Variants in HSD17B7 observed in about 807,000 individuals in gnomAD.
HSD17B7 encodes 3-keto-steroid reductase/17-beta-hydroxysteroid dehydrogenase 7.
A neutral mutation model predicts 34.1 loss-of-function variants in HSD17B7; 17 were observed. The observed-to-expected ratio is 0.50, with a 90% CI of 0.34 to 0.75. The LOEUF (loss-of-function observed/expected upper bound fraction) is 0.75. Ranked by LOEUF, HSD17B7 falls within the 30% of genes least tolerant of loss-of-function variation. The probability of loss-of-function intolerance (pLI) is 0.01; values close to 1 mark genes in which losing one functional copy is unlikely to be tolerated. For synonymous variants in HSD17B7, 122 were observed against 154.6 expected (o/e 0.79, Z 1.56); for missense variants, 296 against 406.6 (o/e 0.73, Z 2.34).
chr1:162,794,465 A>G (rs1243111756), intron 2 of HSD17B7, among the ~76,000 whole-genome samples: 2 of 152,166 alleles, frequency 1.3e-5, no homozygotes, highest in Non-Finnish European at 2.9e-5. Context: ...ACCGCATCTT[A>G]AAGAAAAAAA....
intron 4 of HSD17B7, chr1:162,799,437 T>G: frequency 4.5e-6 from 1 of 220,008 alleles, no homozygotes; most frequent in Non-Finnish European, 9.1e-6. Context: ...TCTAAAGCCA[T>G]ATGTTTTCTT....
chr1:162,808,543 A>G (rs1649066394), intron 8 of HSD17B7, among the ~76,000 whole-genome samples: 1 of 152,202 alleles, frequency 6.6e-6, no homozygotes, highest in African/African-American at 2.4e-5. Context: ...CATTGAATCT[A>G]TAAATTACCT....
intron 4 of HSD17B7, chr1:162,798,406 TC>T (rs1648691813): frequency 6.6e-6 from 1 of 152,590 alleles, no homozygotes; most frequent in Non-Finnish European, 1.5e-5. Context: ...TCTCAGACTT[TC>T]CTTGTTTTTG....
In HSD17B7 at chr1:162,799,809, C is replaced by T. The variant is rs372923913; in HGVS notation, c.514C>T (p.Arg172Cys). The T allele has an allele frequency of 1.7e-5, 27 of 1,613,822 alleles. No homozygotes were observed. Among genetic ancestry groups the T allele is most frequent in the African/African-American group, 1.3e-4 (10 of 74,882 alleles). Residue 172 changes from arginine to cysteine, a missense_variant, in exon 5 of 9, where the codon CGC becomes TGC. Coordinates refer to ENST00000254521, the MANE Select transcript of HSD17B7 (RefSeq NM_016371.4). ...NPSQLIWTSSRSARKSNFSLE... is the reference protein window; with the variant it reads ...NPSQLIWTSSCSARKSNFSLE... ...ATCTCAGCTCATCTGGACATCATCTCGCAGTGCAAGGAAATCTAATTTCAG... is the reference window on the plus strand; with the variant it reads ...ATCTCAGCTCATCTGGACATCATCTTGCAGTGCAAGGAAATCTAATTTCAG...
At chr1:162,794,094 T>A (rs1222595119) in intron 2 of HSD17B7, among the ~76,000 whole-genome samples, 1 of 152,192 alleles carries the variant, frequency 6.6e-6, no homozygotes, top group Non-Finnish European at 1.5e-5. Context: ...TTTTAAATTG[T>A]AAGAGGAATT....
At chr1:162,795,670 A>G (rs1012618377) in intron 2 of HSD17B7, 7 of 452,634 alleles carry the variant, frequency 1.5e-5, no homozygotes, top group Non-Finnish European at 3.1e-5. Context: ...CCATGTATGT[A>G]TTTCAGGGTC....
At chr1:162,804,239 A>C in intron 6 of HSD17B7, 28 bp from the exon 7 acceptor site, 1 of 1,591,976 alleles carries the variant, frequency 6.3e-7, no homozygotes, top group Non-Finnish European at 8.6e-7. Flanking sequence ...AAACCACCAA[A>C]AAATAACAGT....
At position 162,792,792 on chromosome 1, in the gene HSD17B7, G is replaced by C. The variant is rs770185985; in HGVS notation, c.169G>C (p.Val57Leu). Reference protein sequence around the residue: ...ALLASHPTAEVTIVQVDVSNL... With the variant: ...ALLASHPTAELTIVQVDVSNL... ...GCTGGCCTCTCACCCCACTGCTGAGGTCACCATTGTCCAGGTGGATGTCAG... is the reference window on the plus strand; with the variant it reads ...GCTGGCCTCTCACCCCACTGCTGAGCTCACCATTGTCCAGGTGGATGTCAG... Residue 57 changes from valine to leucine, a missense_variant, in exon 2 of 9, where the codon GTC (valine) becomes CTC (leucine). Physicochemically the swap from Val to Leu is conservative, Grantham distance 32 (BLOSUM62 1). Transcript: ENST00000254521. 6.2e-7 allele frequency: 1 copy of C among 1,614,200 alleles called. No individual in the cohort carries two copies. The highest frequency in any genetic ancestry group is 1.1e-5 in the South Asian group (1 of 91,080).
chr1:162,808,519 C>T (rs1389944369), intron 8 of HSD17B7, among the ~76,000 whole-genome samples: 1 of 152,132 alleles, frequency 6.6e-6, no homozygotes, highest in Admixed American at 6.6e-5. Context: ...TCATTGGTAG[C>T]TTGATGGGGA....
At position 162,812,553 on chromosome 1, in the gene HSD17B7, A is replaced by G. The variant is rs1316652117; in HGVS notation, c.*133A>G. On this transcript the variant is annotated 3_prime_UTR_variant, in exon 9 of 9. Coordinates refer to ENST00000254521, the MANE Select transcript of HSD17B7 (RefSeq NM_016371.4). ...AATAGCTGGGTGTGGTGGCATGCGC[A>G]TGTAGTCCCAGCTACTCAGAAGGAT... The G allele has an allele frequency of 1.3e-6, 1 of 798,502 alleles. No individual in the cohort carries two copies. Among genetic ancestry groups the G allele is most frequent in the East Asian group, 2.9e-5 (1 of 34,896 alleles). 49.5% of individuals were successfully genotyped at this position (798,502 alleles called of 1,614,324 possible).
intron 8 of HSD17B7, among the ~76,000 whole-genome samples, chr1:162,808,759 G>A (rs1239168020): frequency 6.6e-6 from 1 of 151,724 alleles, no homozygotes; most frequent in African/African-American, 2.4e-5. Context: ...TCATGATTTG[G>A]CTCTCTGTTT....
In HSD17B7 at chr1:162,797,852, A is replaced by T. The variant is rs1167435653; in HGVS notation, c.383A>T (p.Asp128Val). 1.2e-6 allele frequency: 2 copies of T among 1,613,856 alleles called. No homozygotes were observed. Among genetic ancestry groups the T allele is most frequent in the East Asian group, 2.2e-5 (1 of 44,870 alleles). ...STAEGLLTQG[D>V]KITADGLQEV... ...GCTGAAGGCCTGCTGACCCAGGGTG[A>T]TAAGATCACTGCTGATGGACTTCAG... Residue 128 changes from aspartate (D) to valine (V), a missense_variant, in exon 4 of 9, where the codon GAT (aspartate) becomes GTT (valine). Asp to Val is a radical substitution (Grantham distance 152). Coordinates refer to ENST00000254521, the MANE Select transcript of HSD17B7 (RefSeq NM_016371.4).
chr1:162,791,779 A>G lies in HSD17B7; in HGVS notation c.36-880A>G, dbSNP rs549925628. The stretch of plus-strand genomic sequence containing the variant: ...ATGTGCAATTGTATATTAAATGCCT[A>G]CTGTTCTCATGTGAGGACAAATAAA... On this transcript the variant is annotated intron_variant, in intron 1 of 8. Transcript: ENST00000254521. 1.9e-3 allele frequency among the ~76,000 whole-genome samples: 292 copies of G among 152,108 alleles called. 1 individual carries two copies. Among genetic ancestry groups the G allele is most frequent in the African/African-American group, 6.5e-3 (268 of 41,514 alleles).
At position 162,796,668 on chromosome 1, in the gene HSD17B7, T is replaced by A. The variant is rs775648816; in HGVS notation, c.323T>A (p.Leu108His). ...AATATCAAAGCACTTTTCTTTGGCC[T>A]CTTTTCAAGGTAATTTTCGTTTTAT... ...QLNIKALFFGLFSRKVIHMFS... is the reference protein window; with the variant it reads ...QLNIKALFFGHFSRKVIHMFS... The change falls in exon 3 of 9, where the codon CTC (leucine) becomes CAC (histidine). Residue 108 changes from leucine (L) to histidine (H), a missense_variant. By Grantham distance (99) the Leu-to-His change is moderately conservative. Coordinates refer to ENST00000254521, the MANE Select transcript of HSD17B7 (RefSeq NM_016371.4). The A allele has an allele frequency of 1.9e-6, 3 of 1,604,578 alleles. No individual in the cohort carries two copies. The South Asian group carries it at 3.3e-5, about 18-fold the overall frequency.
intron 5 of HSD17B7, among the ~76,000 whole-genome samples, chr1:162,802,249 A>T (rs1648837513): frequency 6.6e-6 from 1 of 152,232 alleles, no homozygotes; most frequent in African/African-American, 2.4e-5. Flanking sequence ...ATCTCTCAAC[A>T]TCAGAAAATT....
chr1:162,809,020 A>T (rs368339987), intron 8 of HSD17B7, among the ~76,000 whole-genome samples: 17 of 152,104 alleles, frequency 1.1e-4, no homozygotes, highest in Non-Finnish European at 1.6e-4. Flanking sequence ...ATAGGAGTGG[A>T]GAGAGAGGGC....
intron 8 of HSD17B7, among the ~76,000 whole-genome samples, chr1:162,811,327 C>T (rs1649163470): frequency 6.6e-6 from 1 of 152,212 alleles, no homozygotes; most frequent in South Asian, 2.1e-4. Context: ...CGCTGTTAGT[C>T]TGATGGGCTT....
At chr1:162,801,342 A>G (rs1265404677) in intron 5 of HSD17B7, among the ~76,000 whole-genome samples, 1 of 152,076 alleles carries the variant, frequency 6.6e-6, no homozygotes, top group Admixed American at 6.6e-5. Context: ...ACTCTTTGTA[A>G]CCCTAGGCAT....
intron 3 of HSD17B7, among the ~76,000 whole-genome samples, 174 bp downstream of exon 3, chr1:162,796,851 G>A (rs1465145363): frequency 6.6e-6 from 1 of 152,118 alleles, no homozygotes; most frequent in Non-Finnish European, 1.5e-5. Context: ...CTCTTTTGTG[G>A]GGAGTGCTGA....
Sources: gnomAD v4.1 joint callset for allele counts (sites outside exome capture counted in the v4.1 genomes callset) on GRCh38, gnomAD v4.1.1 for gene constraint, MANE v1.5 for transcripts, NCBI Gene and HGNC (gene_info 2026-07-23, HGNC 2026-07-21) for gene names.